The following EML1 variants were observed in gnomAD, a reference collection of about 807,000 sequenced individuals.
EML1 encodes echinoderm microtubule-associated protein-like 1.
EML1 carries 27 observed loss-of-function variants against 110.4 expected under a neutral mutation model. That is an observed-to-expected ratio of 0.24 (90% CI 0.18 to 0.34). The LOEUF (loss-of-function observed/expected upper bound fraction) is 0.34, where lower values mean the gene tolerates loss of function less well. EML1 is among the 10% of genes least tolerant of loss of function. The pLI, the probability that EML1 is intolerant of heterozygous loss-of-function variation, is 1.00. For missense variants in EML1, 741 were observed against 1,030.9 expected, an observed-to-expected ratio of 0.72 and a Z score of 3.85; for synonymous variants, 344 against 385.8, an observed-to-expected ratio of 0.89 and a Z score of 1.27.
intron 1 of EML1, among the ~76,000 whole-genome samples, chr14:99,845,662 C>T (rs1479518057): frequency 6.6e-6 from 1 of 152,158 alleles, no homozygotes; most frequent in Non-Finnish European, 1.5e-5. Flanking sequence ...TAGCGGCTCT[C>T]TTGGTTAATA....
intron 1 of EML1, among the ~76,000 whole-genome samples, chr14:99,825,690 C>T (rs1325542561): frequency 6.6e-6 from 1 of 152,210 alleles, no homozygotes; most frequent in Admixed American, 6.5e-5. Flanking sequence ...TGGAGCCACA[C>T]TAAGCGCTTA....
intron 4 of EML1, among the ~76,000 whole-genome samples, chr14:99,887,324 T>C (rs2059496748): frequency 6.6e-6 from 1 of 152,222 alleles, no homozygotes; most frequent in Non-Finnish European, 1.5e-5. Context: ...TTGGAGATAT[T>C]GGCCACAACT....
chr14:99,842,826 A>G (rs1169063583), intron 1 of EML1, among the ~76,000 whole-genome samples: 1 of 152,168 alleles, frequency 6.6e-6, no homozygotes, highest in Admixed American at 6.5e-5. Flanking sequence ...AGGTTATACT[A>G]CAGAGACCAA....
intron 1 of EML1, among the ~76,000 whole-genome samples, chr14:99,749,248 C>T (rs753987449): frequency 3.9e-5 from 6 of 152,200 alleles, no homozygotes; most frequent in Admixed American, 6.5e-5. Context: ...CTGTTTCCAG[C>T]GGTGGCTGCG....
chr14:99,897,078 G>A, intron 6 of EML1, 67 bp from the exon 7 acceptor site: 1 of 1,393,196 alleles, frequency 7.2e-7, no homozygotes, highest in Non-Finnish European at 9.5e-7. Flanking sequence ...GCCTGTGCCT[G>A]TTGAATAAAG....
chr14:99,895,036 T>A (rs1185253349), intron 6 of EML1, among the ~76,000 whole-genome samples: 1 of 152,230 alleles, frequency 6.6e-6, no homozygotes, highest in Non-Finnish European at 1.5e-5. Flanking sequence ...AAATACATGT[T>A]CATTATTTTG....
At chr14:99,782,813 AG>A (rs1402796483) in intron 1 of EML1, among the ~76,000 whole-genome samples, 2 of 152,194 alleles carry the variant, frequency 1.3e-5, no homozygotes, top group African/African-American at 4.8e-5. Context: ...GGCAAGCCTC[AG>A]TAGTGAGACT....
intron 1 of EML1, among the ~76,000 whole-genome samples, chr14:99,840,164 C>G (rs2139801722): frequency 6.6e-6 from 1 of 152,158 alleles, no homozygotes; most frequent in East Asian, 1.9e-4. Context: ...AATTATTGAG[C>G]AAAGGGTTAT....
At chr14:99,863,574 A>G (rs2059040228) in intron 2 of EML1, among the ~76,000 whole-genome samples, 1 of 152,092 alleles carries the variant, frequency 6.6e-6, no homozygotes, top group Non-Finnish European at 1.5e-5. Flanking sequence ...GTTTACCTTT[A>G]CTCAAATGTC....
chr14:99,816,177 T>A (rs1158115947), intron 1 of EML1, among the ~76,000 whole-genome samples: 1 of 152,180 alleles, frequency 6.6e-6, no homozygotes, highest in Non-Finnish European at 1.5e-5. Context: ...CTTTATTATT[T>A]TTTTTAGACG....
At chr14:99,919,121 A>G (rs1266240713) in intron 16 of EML1, among the ~76,000 whole-genome samples, 1 of 152,170 alleles carries the variant, frequency 6.6e-6, no homozygotes, top group Non-Finnish European at 1.5e-5. Context: ...AGGGCTGCCC[A>G]TCAGGCACTG....
At chr14:99,821,244 T>A (rs1247736578) in intron 1 of EML1, among the ~76,000 whole-genome samples, 1 of 152,126 alleles carries the variant, frequency 6.6e-6, no homozygotes, top group African/African-American at 2.4e-5. Context: ...GTCTTGAACT[T>A]AGTCCTCCTG....
intron 6 of EML1, among the ~76,000 whole-genome samples, chr14:99,895,164 G>A (rs931705516): frequency 1.3e-5 from 2 of 152,082 alleles, no homozygotes; most frequent in Non-Finnish European, 2.9e-5. Context: ...AATGACAATA[G>A]TAGTTAGAAA....
intron 1 of EML1, among the ~76,000 whole-genome samples, chr14:99,813,988 A>G (rs533547228): frequency 5.9e-5 from 9 of 152,218 alleles, no homozygotes; most frequent in Non-Finnish European, 1.0e-4. Context: ...GGCCAGCAGC[A>G]TCAGAGCAGT....
At position 99,837,514 on chromosome 14, in the gene EML1, T is replaced by A. The variant is rs149832868; in HGVS notation, c.68-13339T>A. ...ACAGAATGTCAAAAAGGATTAAAAA[T>A]TTTTTTACAGTAACAACGAATGTGG... On this transcript the variant is annotated intron_variant, in intron 1 of 21. Coordinates refer to ENST00000262233, the MANE Select transcript of EML1 (RefSeq NM_004434.3). Among the ~76,000 whole-genome samples the A allele has an allele frequency of 4.2e-3, 646 of 152,294 alleles. 1 individual carries two copies. The highest frequency in any genetic ancestry group is 0.015 in the African/African-American group (613 of 41,560).
At chr14:99,877,041 T>C (rs2059304486) in intron 3 of EML1, among the ~76,000 whole-genome samples, 1 of 152,162 alleles carries the variant, frequency 6.6e-6, no homozygotes, top group Non-Finnish European at 1.5e-5. Flanking sequence ...TGGGTTGCTG[T>C]AACAAAGTCC....
chr14:99,888,891 G>C (rs925128768), intron 4 of EML1, among the ~76,000 whole-genome samples: 1 of 152,122 alleles, frequency 6.6e-6, no homozygotes, highest in African/African-American at 2.4e-5. Context: ...GTGTGGACTG[G>C]CAGGAGAGTT....
chr14:99,779,736 G>T (rs767916925), intron 1 of EML1, among the ~76,000 whole-genome samples: 8 of 152,236 alleles, frequency 5.3e-5, no homozygotes, highest in Non-Finnish European at 1.2e-4. Flanking sequence ...AGGGGCTGGG[G>T]TGAGGTCTGA....
chr14:99,826,494 C>G (rs1365382170), intron 1 of EML1, among the ~76,000 whole-genome samples: 1 of 152,114 alleles, frequency 6.6e-6, no homozygotes, highest in African/African-American at 2.4e-5. Flanking sequence ...GGTTAGAATT[C>G]TAGTCTTGCC....
Sources: gnomAD v4.1 joint callset for allele counts (sites outside exome capture counted in the v4.1 genomes callset) on GRCh38, gnomAD v4.1.1 for gene constraint, MANE v1.5 for transcripts, NCBI Gene and HGNC (gene_info 2026-07-23, HGNC 2026-07-21) for gene names.